The following UNC13A variants were observed in gnomAD, a reference collection of about 807,000 sequenced individuals.
UNC13A encodes the protein unc-13 homolog A, also known as protein unc-13 homolog A.
Under a neutral mutation model 219.7 loss-of-function variants are expected in UNC13A, and 61 were observed. The ratio of observed to expected loss-of-function variants is 0.28; its 90% CI spans 0.23 to 0.34. The LOEUF (loss-of-function observed/expected upper bound fraction) is 0.34. Ranked by LOEUF, UNC13A falls within the 10% of genes least tolerant of loss-of-function variation. UNC13A has a pLI of 1.00. For synonymous variants in UNC13A, 920 were observed against 884.6 expected (o/e 1.04, Z -0.71); for missense variants, 1,476 against 2,270.3 (o/e 0.65, Z 7.11).
rs2076541537 is a variant in UNC13A, at chr19:17,607,246, C to T, written c.4812-892G>A. Among the ~76,000 whole-genome samples the T allele has an allele frequency of 2.0e-5, 3 of 152,014 alleles. No homozygotes were observed. The South Asian group carries it at 6.2e-4, about 32-fold the overall frequency. ...GCTCTGATTTACCCTTACCCCTGTG[C>T]ATTTTTATTTATTTTTATTTATTTT... On this transcript the variant is annotated intron_variant, in intron 43 of 43. Coordinates refer to ENST00000519716, the MANE Select transcript of UNC13A (RefSeq NM_001080421.3).
chr19:17,685,946 C>A (rs981747117), intron 1 of UNC13A, among the ~76,000 whole-genome samples: 1 of 151,962 alleles, frequency 6.6e-6, no homozygotes, highest in Admixed American at 6.6e-5. Flanking sequence ...CAGCCCCTCC[C>A]CTCTCTGGGC....
In UNC13A at chr19:17,606,334, C is replaced by A. The variant is rs572398538; in HGVS notation, c.4832G>T (p.Gly1611Val). 18 of 1,546,702 alleles carry A rather than the reference C, an allele frequency of 1.2e-5. No homozygotes were observed. The African/African-American group carries it at 1.6e-4, about 14-fold the overall frequency. The change falls in exon 44 of 44, where the codon GGT becomes GTT. Residue 1611 changes from glycine (G) to valine (V), a missense_variant. Physicochemically the swap from Gly to Val is moderately radical, Grantham distance 109 (BLOSUM62 -3). Around this residue, in one of 14 missense-constraint regions of UNC13A, gnomAD observed 187 missense variants for 172.3 expected, o/e 1.09. Transcript: ENST00000519716. The stretch of plus-strand genomic sequence containing the variant: ...CACCTGCAGCTCATAGCACTCGGGA[C>A]CCGCGTCGGCGCTCAGCGTGCTGCG... ...SFQFTLSADA[G>V]PECYELQVCV...
chr19:17,669,059 G>A (rs1599402859), intron 5 of UNC13A, among the ~76,000 whole-genome samples: 1 of 152,164 alleles, frequency 6.6e-6, no homozygotes, highest in South Asian at 2.1e-4. Flanking sequence ...GCCTCCCAAA[G>A]TGCTGGGATT....
intron 34 of UNC13A, 44 bp downstream of exon 34, chr19:17,626,589 C>T: frequency 6.7e-7 from 1 of 1,501,274 alleles, no homozygotes; most frequent in South Asian, 1.3e-5. Context: ...ATGGCCCTGC[C>T]CCAGCCCCTC....
chr19:17,609,375 G>T (rs1011963645), intron 43 of UNC13A, among the ~76,000 whole-genome samples: 9 of 151,744 alleles, frequency 5.9e-5, no homozygotes, highest in African/African-American at 2.2e-4. Flanking sequence ...CATCCAATGT[G>T]ACCCCACCTC....
chr19:17,629,328 G>T lies in UNC13A; in HGVS notation c.3670-5C>A. ...GAGGAGCACATTACTGATGGTCTGGGGAAGACACAGAGTGTGGGTGAGAGG... is the reference window on the plus strand; with the variant it reads ...GAGGAGCACATTACTGATGGTCTGGTGAAGACACAGAGTGTGGGTGAGAGG... On this transcript the variant is annotated splice_region_variant and splice_polypyrimidine_tract_variant and intron_variant, in intron 30 of 43. Transcript: ENST00000519716. 1 of 1,607,994 alleles carries T rather than the reference G, an allele frequency of 6.2e-7. No homozygotes were observed. The highest frequency in any genetic ancestry group is 1.1e-5 in the South Asian group (1 of 89,592).
chr19:17,660,576 GGCTGGAGT>G (rs2079534608), intron 8 of UNC13A, among the ~76,000 whole-genome samples: 2 of 146,682 alleles, frequency 1.4e-5, no homozygotes, highest in South Asian at 4.3e-4. Context: ...CTGTCACCCA[GGCTGGAGT>G]GCAATGGTAC....
At chr19:17,617,614 G>C (rs999724583) in intron 41 of UNC13A, 88 bp downstream of exon 41, 5 of 1,554,344 alleles carry the variant, frequency 3.2e-6, no homozygotes, top group Admixed American at 3.5e-5. Flanking sequence ...TGACGTCACA[G>C]GGGAGTGAGC....
At chr19:17,676,405 G>C (rs2079899706) in intron 1 of UNC13A, among the ~76,000 whole-genome samples, 1 of 151,992 alleles carries the variant, frequency 6.6e-6, no homozygotes, top group Admixed American at 6.6e-5. Context: ...AACTCCCCAA[G>C]CTCCCAACTA....
intron 34 of UNC13A, 23 bp downstream of exon 34, chr19:17,626,610 C>T (rs2076786203): frequency 6.5e-7 from 1 of 1,528,618 alleles, no homozygotes; most frequent in Non-Finnish European, 8.8e-7. Context: ...CCCGGCCAGC[C>T]CAGTCCACCT....
rs1222146033 is a variant in UNC13A at position 17,604,177 on chromosome 19, C to T, written c.*1877G>A. On this transcript the variant is annotated 3_prime_UTR_variant, in exon 44 of 44. Transcript: ENST00000519716. Reference sequence around the variant, plus strand: ...TTTCAGTGTCCCCAAAGCACCTCCACCTCTCCTCACTGGTTTTAGTCTTCA... The same window carrying T: ...TTTCAGTGTCCCCAAAGCACCTCCATCTCTCCTCACTGGTTTTAGTCTTCA... 1 of 152,280 alleles carries T rather than the reference C, an allele frequency of 6.6e-6. No homozygotes were observed. Among genetic ancestry groups the T allele is most frequent in the Non-Finnish European group, 1.5e-5 (1 of 68,106 alleles). 9.4% of individuals were successfully genotyped at this position (152,280 alleles called of 1,614,324 possible). A position where few individuals can be genotyped will look rare whatever the true frequency, so the allele number is the denominator to read the frequency against.
chr19:17,646,340 G>A (rs758255654), intron 17 of UNC13A, among the ~76,000 whole-genome samples: 40 of 151,998 alleles, frequency 2.6e-4, no homozygotes, highest in Non-Finnish European at 1.3e-4. Context: ...TGCAACCTCC[G>A]CCTCCCGGGT....
chr19:17,655,864 C>T lies in UNC13A; in HGVS notation c.1283+19G>A. Reference sequence around the variant, plus strand: ...GACCTTGTGGCAGCCCCTCTGGCCCCTTGGCCCCGTCCTGTTACCTCTCCT... The same window carrying T: ...GACCTTGTGGCAGCCCCTCTGGCCCTTTGGCCCCGTCCTGTTACCTCTCCT... On this transcript the variant is annotated intron_variant, in intron 10 of 43. Coordinates refer to ENST00000519716, the MANE Select transcript of UNC13A (RefSeq NM_001080421.3). The T allele has an allele frequency of 6.6e-7, 1 of 1,504,522 alleles. No homozygotes were observed. Among genetic ancestry groups the T allele is most frequent in the Non-Finnish European group, 8.8e-7 (1 of 1,131,964 alleles). 93.2% of individuals were successfully genotyped at this position (1,504,522 alleles called of 1,614,324 possible).
At chr19:17,687,505 G>A (rs2080137232) in intron 1 of UNC13A, among the ~76,000 whole-genome samples, 1 of 152,058 alleles carries the variant, frequency 6.6e-6, no homozygotes, top group Admixed American at 6.6e-5. Flanking sequence ...CCTCACTCGG[G>A]AGGCCAAAGA....
chr19:17,673,230 G>A (rs2079824353), intron 3 of UNC13A, among the ~76,000 whole-genome samples: 1 of 151,274 alleles, frequency 6.6e-6, no homozygotes. Context: ...GGTGGTGCAT[G>A]TCTGTAATTC....
chr19:17,645,399 C>T (rs143272754), intron 19 of UNC13A, among the ~76,000 whole-genome samples: 1,801 of 152,192 alleles, frequency 0.012, 37 homozygotes, highest in African/African-American at 0.041. Context: ...CCAGTTCTTG[C>T]TTCTTGCCTC....
Position 17,617,769 on chromosome 19 carries a change from G to T in UNC13A, c.4491C>A (p.Ala1497=). 6.2e-7 allele frequency: 1 copy of T among 1,613,910 alleles called. No individual in the cohort carries two copies. The highest frequency in any genetic ancestry group is 8.5e-7 in the Non-Finnish European group (1 of 1,179,854). ...KSPDLQSLRY[A]LSLYTQATDL... is the part of the protein sequence containing the mutation. ...CGGTGGCCTGCGTGTAGAGCGACAG[G>T]GCATAGCGCAAGGATTGCAGGTCCG... The change falls in exon 41 of 44, where the codon GCC becomes GCA. Residue 1497 remains alanine, a synonymous_variant. Coordinates refer to ENST00000519716, the MANE Select transcript of UNC13A (RefSeq NM_001080421.3).
chr19:17,624,986 A>G (rs766424411), intron 34 of UNC13A, 34 bp from the exon 35 acceptor site: 2 of 1,600,258 alleles, frequency 1.2e-6, no homozygotes, highest in Non-Finnish European at 1.7e-6. Flanking sequence ...GAGAGGGCCC[A>G]GCTCGCCCCC....
chr19:17,664,583 G>A (rs1251620070), intron 7 of UNC13A, among the ~76,000 whole-genome samples: 3 of 152,162 alleles, frequency 2.0e-5, no homozygotes, highest in African/African-American at 7.2e-5. Flanking sequence ...CCTAGCTCTA[G>A]TCCATCTGCC....
Sources: allele counts gnomAD v4.1 joint callset (sites outside exome capture counted in the v4.1 genomes callset), GRCh38; gene constraint gnomAD v4.1.1; regional missense constraint gnomAD v4.1.1; transcripts MANE v1.5; gene names NCBI Gene and HGNC (gene_info 2026-07-23, HGNC 2026-07-21).